The following TAFA1 variants were observed in gnomAD, a reference collection of about 807,000 sequenced individuals.
The protein encoded by TAFA1 is chemokine-like protein TAFA-1.
A neutral mutation model predicts 18.5 loss-of-function variants in TAFA1; 4 were observed. The ratio of observed to expected loss-of-function variants is 0.22; its 90% confidence interval spans 0.11 to 0.49. The LOEUF is 0.49. TAFA1 is among the 20% of genes least tolerant of loss of function. The pLI is 0.98. For missense variants in TAFA1, 147 were observed against 169.0 expected, an observed-to-expected ratio of 0.87 and a Z score of 0.72; for synonymous variants, 56 against 55.2, an observed-to-expected ratio of 1.01 and a Z score of -0.06.
At chr3:68,426,948 A>G (rs2071067676) in intron 3 of TAFA1, among the ~76,000 whole-genome samples, 1 of 151,870 alleles carries the variant, frequency 6.6e-6, no homozygotes, top group African/African-American at 2.4e-5. Context: ...TAATGCGTAT[A>G]CTTGGATTAA....
chr3:68,337,749 G>C (rs2068999152), intron 2 of TAFA1, among the ~76,000 whole-genome samples: 1 of 152,130 alleles, frequency 6.6e-6, no homozygotes, highest in East Asian at 1.9e-4. Context: ...CCTTGAAACG[G>C]TATCAGGAAG....
chr3:68,145,595 G>A, intron 2 of TAFA1: 1 of 1,487,976 alleles, frequency 6.7e-7, no homozygotes, highest in East Asian at 2.3e-5. Context: ...ACAGCAGTTA[G>A]CCAGACTGAC....
intron 2 of TAFA1, among the ~76,000 whole-genome samples, chr3:68,339,701 A>G (rs2069047093): frequency 6.6e-6 from 1 of 152,170 alleles, no homozygotes; most frequent in Admixed American, 6.5e-5. Flanking sequence ...CTTAATGTAG[A>G]TTTTTGAGGA....
chr3:68,378,448 T>A lies in TAFA1; in HGVS notation c.119-38832T>A, dbSNP rs112853496. Among the ~76,000 whole-genome samples the A allele has an allele frequency of 5.1e-3, 771 of 152,304 alleles. 9 individuals carry two copies. The highest frequency in any genetic ancestry group is 0.01 in the Middle Eastern group (3 of 294). ...ACCCAATGCCTGTAACCACATTGTATCTAGGAAGTAACTAATTTGCTTTTG... is the reference window on the plus strand; with the variant it reads ...ACCCAATGCCTGTAACCACATTGTAACTAGGAAGTAACTAATTTGCTTTTG... On this transcript the variant is annotated intron_variant, in intron 2 of 4. Transcript: ENST00000478136.
chr3:68,090,081 A>T (rs1462601653), intron 2 of TAFA1, among the ~76,000 whole-genome samples: 1 of 152,178 alleles, frequency 6.6e-6, no homozygotes, highest in East Asian at 1.9e-4. Flanking sequence ...ATCACCAAAG[A>T]TGTGAAGAGC....
At chr3:68,081,714 A>G (rs1017103793) in intron 2 of TAFA1, among the ~76,000 whole-genome samples, 1 of 152,172 alleles carries the variant, frequency 6.6e-6, no homozygotes, top group East Asian at 1.9e-4. Context: ...TGCTCTCGTC[A>G]AAGCTGTCAG....
At chr3:68,274,453 C>T (rs1437401036) in intron 2 of TAFA1, among the ~76,000 whole-genome samples, 3 of 152,128 alleles carry the variant, frequency 2.0e-5, no homozygotes, top group African/African-American at 4.8e-5. Flanking sequence ...TTCATTTCTG[C>T]CTGCAGATTC....
chr3:68,163,742 A>G (rs1232084868), intron 2 of TAFA1, among the ~76,000 whole-genome samples: 3 of 152,152 alleles, frequency 2.0e-5, no homozygotes, highest in African/African-American at 7.2e-5. Context: ...CATCAGTACT[A>G]AATAACTTTC....
intron 2 of TAFA1, among the ~76,000 whole-genome samples, chr3:68,387,883 G>A (rs941304743): frequency 2.6e-5 from 4 of 152,032 alleles, no homozygotes; most frequent in Non-Finnish European, 4.4e-5. Context: ...AGGTTTTTAT[G>A]AAAAACAATT....
At chr3:68,067,756 T>G (rs1428221595) in intron 2 of TAFA1, among the ~76,000 whole-genome samples, 1 of 152,192 alleles carries the variant, frequency 6.6e-6, no homozygotes, top group Non-Finnish European at 1.5e-5. Context: ...CCTTCCTTCC[T>G]TTCTTCCCTC....
intron 2 of TAFA1, among the ~76,000 whole-genome samples, chr3:68,078,841 G>A (rs1227345788): frequency 1.3e-5 from 2 of 152,144 alleles, no homozygotes; most frequent in African/African-American, 4.8e-5. Flanking sequence ...GAGTTAGGGA[G>A]GATTCCCTCT....
the TAFA1 span, among the ~76,000 whole-genome samples, chr3:67,992,859 C>T: frequency 6.6e-6 from 1 of 152,178 alleles, no homozygotes; most frequent in African/African-American, 2.4e-5. Context: ...GTAGCCACCA[C>T]TATAAAGGAA....
intron 2 of TAFA1, among the ~76,000 whole-genome samples, chr3:68,347,180 A>C (rs933386005): frequency 6.6e-6 from 1 of 152,050 alleles, no homozygotes; most frequent in Admixed American, 6.6e-5. Flanking sequence ...TTTGCTATTG[A>C]GTTTCTGAAT....
At chr3:68,445,185 G>A (rs1167892327) in intron 3 of TAFA1, among the ~76,000 whole-genome samples, 8 of 152,086 alleles carry the variant, frequency 5.3e-5, no homozygotes, top group Non-Finnish European at 1.2e-4. Context: ...CTTTGCTGCA[G>A]AATTAGCTGG....
intron 2 of TAFA1, among the ~76,000 whole-genome samples, chr3:68,341,509 A>G (rs1433287378): frequency 6.6e-6 from 1 of 152,188 alleles, no homozygotes; most frequent in African/African-American, 2.4e-5. Flanking sequence ...TGGCTCCTAA[A>G]CCATAATTTC....
intron 3 of TAFA1, among the ~76,000 whole-genome samples, chr3:68,517,017 G>C (rs561917847): frequency 1.3e-5 from 2 of 151,974 alleles, no homozygotes; most frequent in South Asian, 4.1e-4. Context: ...CAAGTGATCC[G>C]CCCACCTCGG....
chr3:68,122,383 A>G (rs575715597), intron 2 of TAFA1, among the ~76,000 whole-genome samples: 1 of 152,180 alleles, frequency 6.6e-6, no homozygotes, highest in African/African-American at 2.4e-5. Context: ...AGAATGTTTT[A>G]TCTTCTGTGT....
intron 3 of TAFA1, among the ~76,000 whole-genome samples, chr3:68,462,195 A>G (rs1451428979): frequency 1.3e-5 from 2 of 152,168 alleles, no homozygotes; most frequent in Non-Finnish European, 2.9e-5. Flanking sequence ...ATAATTAAAA[A>G]GAAATAAAAT....
chr3:68,345,418 C>A (rs1411439656), intron 2 of TAFA1, among the ~76,000 whole-genome samples: 2 of 152,098 alleles, frequency 1.3e-5, no homozygotes, highest in Non-Finnish European at 2.9e-5. Flanking sequence ...AATGCAATTT[C>A]CAAAGAAAAC....
Sources: allele counts gnomAD v4.1 joint callset (sites outside exome capture counted in the v4.1 genomes callset), GRCh38; gene constraint gnomAD v4.1.1; transcripts MANE v1.5; gene names NCBI Gene and HGNC (gene_info 2026-07-23, HGNC 2026-07-21).